The following GFI1B variants were observed in gnomAD, a reference collection of about 807,000 sequenced individuals.
GFI1B encodes growth factor independent 1B transcriptional repressor.
A neutral mutation model predicts 35.3 loss-of-function variants in GFI1B; 20 were observed. That is an observed-to-expected ratio of 0.57 (90% CI 0.40 to 0.82). The LOEUF is 0.82. Among genes scored for constraint, GFI1B ranks in the 40% least tolerant of loss-of-function variants. GFI1B has a pLI of 0.00. For synonymous variants in GFI1B, 178 were observed against 177.6 expected (o/e 1.00, Z -0.02); for missense variants, 430 against 446.3 (o/e 0.96, Z 0.33).
chr9:132,985,071 TG>T (rs8193000), intron 1 of GFI1B, among the ~76,000 whole-genome samples: 15 of 130,810 alleles, frequency 1.1e-4, no homozygotes, highest in Middle Eastern at 6.7e-3. Context: ...GCCCAAGGGG[TG>T]GGGGGGTGGG....
chr9:132,977,191 A>G (rs1018285184), upstream of GFI1B, among the ~76,000 whole-genome samples: 16 of 152,140 alleles, frequency 1.1e-4, no homozygotes, highest in African/African-American at 3.1e-4. Context: ...TCCCGATCTC[A>G]AGTGATCCTC....
chr9:132,970,424 AACAC>A (rs1163076071), intron 1 of GFI1B, among the ~76,000 whole-genome samples: 1 of 152,170 alleles, frequency 6.6e-6, no homozygotes, highest in African/African-American at 2.4e-5. Flanking sequence ...CTGGCTAATG[AACAC>A]ACACGCACGC....
chr9:132,959,198 G>T (rs765220944), intron 1 of GFI1B, among the ~76,000 whole-genome samples: 6 of 152,126 alleles, frequency 3.9e-5, no homozygotes, highest in Non-Finnish European at 7.4e-5. Flanking sequence ...ACTGGGGGAG[G>T]TAATTGAGTC....
chr9:132,985,920 C>A (rs1411854308), intron 1 of GFI1B, among the ~76,000 whole-genome samples: 3 of 152,208 alleles, frequency 2.0e-5, no homozygotes, highest in Non-Finnish European at 4.4e-5. Flanking sequence ...TTGGGGTCCA[C>A]TGTGTGTCAC....
At chr9:132,978,036 C>T (rs543395314), upstream of GFI1B, among the ~76,000 whole-genome samples, 3 of 145,154 alleles carry the variant, frequency 2.1e-5, no homozygotes, top group East Asian at 2.3e-4. Context: ...TGCATGTGGC[C>T]GGCTCGGGTA....
intron 1 of GFI1B, chr9:132,962,497 C>T: frequency 6.0e-6 from 3 of 499,248 alleles, no homozygotes; most frequent in Non-Finnish European, 1.2e-5. Flanking sequence ...GTGTGTTTGA[C>T]TCTGCTTCTC....
intron 1 of GFI1B, 66 bp from the exon 2 acceptor site, chr9:132,986,593 T>C (rs1849070384): frequency 2.5e-6 from 2 of 804,922 alleles, no homozygotes; most frequent in Non-Finnish European, 4.3e-6. Flanking sequence ...CAGGAGGAGG[T>C]TCTGAGATAT....
At position 132,989,221 on chromosome 9, in the gene GFI1B, G is replaced by A; in HGVS notation, c.648+23G>A. 1 of 1,605,530 alleles carries A rather than the reference G, an allele frequency of 6.2e-7. No homozygotes were observed. Among genetic ancestry groups the A allele is most frequent in the Non-Finnish European group, 8.5e-7 (1 of 1,176,204 alleles). On this transcript the variant is annotated intron_variant, in intron 5 of 6. Coordinates refer to ENST00000372122, the MANE Select transcript of GFI1B (RefSeq NM_001377304.1). This position sits in a 1 kb window ranked among gnomAD's most constrained non-coding sequence, Gnocchi z 6.2. ...CAGGTGGGCACCTGGCCCAGCGCAGGACTCCCAGCCCCACTCCTTCTCTGT... is the reference window on the plus strand; with the variant it reads ...CAGGTGGGCACCTGGCCCAGCGCAGAACTCCCAGCCCCACTCCTTCTCTGT...
rs577502118 is a variant in GFI1B, at chr9:132,982,055, C to T, written c.-21+3214C>T. Reference sequence around the variant, plus strand: ...GGCGTGAGCCACCACGCCCGGCCTCCCTTGAGTCTTTAAACATAAAGGAAG... The same window carrying T: ...GGCGTGAGCCACCACGCCCGGCCTCTCTTGAGTCTTTAAACATAAAGGAAG... On this transcript the variant is annotated intron_variant, in intron 1 of 6. Transcript: ENST00000372122. Among the ~76,000 whole-genome samples, 7 of 152,296 alleles carry T rather than the reference C, an allele frequency of 4.6e-5. No homozygotes were observed. In the East Asian group the frequency reaches 1.4e-3, roughly 29 times the overall value.
chr9:132,989,631 G>T lies in GFI1B; in HGVS notation c.649-111G>T, dbSNP rs778309675. On this transcript the variant is annotated intron_variant, in intron 5 of 6. Transcript: ENST00000372122. The surrounding 1 kb of genome is among the most constrained non-coding windows in gnomAD (Gnocchi z 6.2). ...AGAGGCAGAGATGAGGGGTCCCCCG[G>T]TCCTGCTCCTCCAGGCCGCCCCAAT... 5 of 800,784 alleles carry T rather than the reference G, an allele frequency of 6.2e-6. No individual in the cohort carries two copies. Among genetic ancestry groups the T allele is most frequent in the Non-Finnish European group, 1.0e-5 (5 of 481,830 alleles). 49.6% of individuals were successfully genotyped at this position (800,784 alleles called of 1,614,324 possible).
chr9:132,962,527 C>T, intron 1 of GFI1B: 1 of 516,408 alleles, frequency 1.9e-6, no homozygotes, highest in Non-Finnish European at 4.0e-6. Flanking sequence ...TCTCACAAGA[C>T]TTTGAGGATT....
intron 1 of GFI1B, among the ~76,000 whole-genome samples, chr9:132,954,440 T>C (rs1332761686): frequency 1.3e-5 from 2 of 151,550 alleles, no homozygotes; most frequent in Non-Finnish European, 2.9e-5. Flanking sequence ...CCAGATGTGG[T>C]AGTGCATAAC....
intron 1 of GFI1B, among the ~76,000 whole-genome samples, chr9:132,972,272 A>G (rs11243963): frequency 0.23 from 34,849 of 150,964 alleles, 4,134 homozygotes; most frequent in South Asian, 0.37. Context: ...AAATACAGAA[A>G]TTAGCTGGGC....
intron 3 of GFI1B, among the ~76,000 whole-genome samples, 166 bp downstream of exon 3, chr9:132,987,585 G>T (rs367579879): frequency 6.6e-6 from 1 of 152,156 alleles, no homozygotes; most frequent in Non-Finnish European, 1.5e-5. Flanking sequence ...CTCAGACAGG[G>T]AGCTAATTCC....
Position 132,989,511 on chromosome 9 carries a change from C to T in GFI1B, c.649-231C>T. The T allele has an allele frequency of 1.7e-6, 1 of 602,428 alleles. No homozygotes were observed. Among genetic ancestry groups the T allele is most frequent in the Non-Finnish European group, 3.0e-6 (1 of 338,012 alleles). 37.3% of individuals were successfully genotyped at this position (602,428 alleles called of 1,614,324 possible). A position where few individuals can be genotyped will look rare whatever the true frequency, so the allele number is the denominator to read the frequency against. ...GTCAGTCCATCAGTCAATCAACGAA[C>T]ATTTATTGAGGTTTATTTTGAGCGG... On this transcript the variant is annotated intron_variant, in intron 5 of 6. Transcript: ENST00000372122. The surrounding 1 kb of genome is among the most constrained non-coding windows in gnomAD (Gnocchi z 6.2).
chr9:132,962,551 C>CA, intron 1 of GFI1B: 1 of 475,582 alleles, frequency 2.1e-6, no homozygotes, highest in Non-Finnish European at 4.2e-6. Flanking sequence ...TGATTCCTGG[C>CA]CAAGAAACAA....
chr9:132,985,247 T>G (rs571743093), intron 1 of GFI1B, among the ~76,000 whole-genome samples: 1 of 152,232 alleles, frequency 6.6e-6, no homozygotes, highest in Admixed American at 6.5e-5. Context: ...GGCTCTCAGC[T>G]CCAGAGGGCT....
Position 132,989,331 on chromosome 9 carries a change from C to G in GFI1B, c.648+133C>G. On this transcript the variant is annotated intron_variant, in intron 5 of 6. Transcript: ENST00000372122. The surrounding 1 kb of genome is among the most constrained non-coding windows in gnomAD (Gnocchi z 6.2). ...ACAGATTGGGAGGGGTCCCCTAGTA[C>G]CCACCTCCCTGGGTCTGGGTCTCCA... is the stretch of plus-strand genomic sequence containing the variant. 1 of 844,134 alleles carries G rather than the reference C, an allele frequency of 1.2e-6. No homozygotes were observed. The highest frequency in any genetic ancestry group is 1.4e-5 in the South Asian group (1 of 70,646). The allele number at this position is 844,134 out of a possible 1,614,324, so 52.3% of individuals were successfully genotyped here.
intron 1 of GFI1B, among the ~76,000 whole-genome samples, chr9:132,979,464 CTT>C (rs1378038990): frequency 2.0e-5 from 3 of 152,100 alleles, no homozygotes; most frequent in African/African-American, 7.2e-5. Context: ...GTCTCGAACT[CTT>C]GACCTCAAAC....
Sources: allele counts gnomAD v4.1 joint callset (sites outside exome capture counted in the v4.1 genomes callset), GRCh38; gene constraint gnomAD v4.1.1; non-coding constraint Gnocchi (gnomAD v3.1); transcripts MANE v1.5; gene names NCBI Gene and HGNC (gene_info 2026-07-23, HGNC 2026-07-21).